Variants in KLHL1 observed in about 807,000 individuals in gnomAD.
The protein encoded by KLHL1 is kelch-like protein 1.
KLHL1 carries 47 observed loss-of-function variants against 77.7 expected under a neutral mutation model. That is an observed-to-expected ratio of 0.60 (90% CI 0.48 to 0.77). The LOEUF (loss-of-function observed/expected upper bound fraction) is 0.77. KLHL1 is among the 30% of genes least tolerant of loss of function. KLHL1 has a pLI of 0.00. For missense variants in KLHL1, 925 were observed against 910.8 expected (o/e 1.02, Z -0.20); for synonymous variants, 360 against 325.2 (o/e 1.11, Z -1.15).
intron 1 of KLHL1, among the ~76,000 whole-genome samples, chr13:69,999,748 A>G (rs547981181): frequency 2.6e-5 from 4 of 152,104 alleles, no homozygotes; most frequent in Non-Finnish European, 5.9e-5. Context: ...TCACCCTAGC[A>G]GGTAAGCATC....
At chr13:69,822,025 C>T (rs1289291221) in intron 6 of KLHL1, among the ~76,000 whole-genome samples, 1 of 151,844 alleles carries the variant, frequency 6.6e-6, no homozygotes, top group East Asian at 1.9e-4. Flanking sequence ...TGGTGAAACC[C>T]CATCTCTACC....
intron 7 of KLHL1, among the ~76,000 whole-genome samples, chr13:69,783,704 T>C (rs1876355219): frequency 7.8e-6 from 1 of 128,452 alleles, no homozygotes; most frequent in Admixed American, 7.1e-5. Context: ...GTCTGATTGA[T>C]TGGTGTACCT....
intron 7 of KLHL1, among the ~76,000 whole-genome samples, chr13:69,761,160 T>G (rs896711266): frequency 1.3e-5 from 2 of 152,218 alleles, no homozygotes; most frequent in African/African-American, 4.8e-5. Flanking sequence ...AATATAAGAA[T>G]CTGGCAGCAT....
chr13:70,099,599 A>G (rs2137452662), intron 1 of KLHL1, among the ~76,000 whole-genome samples: 1 of 152,172 alleles, frequency 6.6e-6, no homozygotes, highest in African/African-American at 2.4e-5. Context: ...TGAGATTTAC[A>G]TTTTTATGCA....
At chr13:69,749,395 T>G (rs1194026382) in intron 7 of KLHL1, among the ~76,000 whole-genome samples, 2 of 152,010 alleles carry the variant, frequency 1.3e-5, no homozygotes, top group African/African-American at 4.8e-5. Flanking sequence ...TCTGATAATT[T>G]TTAAAATGTC....
In KLHL1 at chr13:70,050,215, A is replaced by T. The variant is rs560865578; in HGVS notation, c.497+56988T>A. 3.9e-5 allele frequency among the ~76,000 whole-genome samples: 6 copies of T among 151,952 alleles called. No homozygotes were observed. In the East Asian group the frequency reaches 1.2e-3, roughly 29 times the overall value. ...TGATACTTTATATGTCATCAAAAGGAAACCTTTTGATCAAAACTGGCTGTG... is the reference window on the plus strand; with the variant it reads ...TGATACTTTATATGTCATCAAAAGGTAACCTTTTGATCAAAACTGGCTGTG... On this transcript the variant is annotated intron_variant, in intron 1 of 10. Transcript: ENST00000377844.
intron 1 of KLHL1, among the ~76,000 whole-genome samples, chr13:70,104,549 G>C (rs1274912781): frequency 1.3e-5 from 2 of 152,098 alleles, no homozygotes; most frequent in Non-Finnish European, 2.9e-5. Context: ...AATGAATAAA[G>C]AGAAGATCAA....
chr13:69,946,779 T>C (rs1258772786), intron 3 of KLHL1, among the ~76,000 whole-genome samples: 1 of 152,088 alleles, frequency 6.6e-6, no homozygotes, highest in Non-Finnish European at 1.5e-5. Context: ...TCCCAAATTG[T>C]TGTGATTTAC....
intron 6 of KLHL1, among the ~76,000 whole-genome samples, chr13:69,813,315 G>T (rs1037509563): frequency 1.3e-5 from 2 of 151,806 alleles, no homozygotes; most frequent in African/African-American, 4.8e-5. Flanking sequence ...CACACACCGG[G>T]GCCTGTTGTG....
intron 1 of KLHL1, among the ~76,000 whole-genome samples, chr13:70,018,494 A>G (rs910285837): frequency 6.6e-6 from 1 of 152,194 alleles, no homozygotes; most frequent in Non-Finnish European, 1.5e-5. Flanking sequence ...GAAGATTAGT[A>G]CCTGATTTAG....
intron 1 of KLHL1, among the ~76,000 whole-genome samples, chr13:70,011,065 C>A (rs1295871013): frequency 6.6e-6 from 1 of 152,006 alleles, no homozygotes; most frequent in African/African-American, 2.4e-5. Context: ...AGTATTTAAG[C>A]TATCAGTTTT....
intron 7 of KLHL1, among the ~76,000 whole-genome samples, chr13:69,751,634 C>T (rs1874485158): frequency 2.0e-5 from 3 of 152,028 alleles, no homozygotes; most frequent in Admixed American, 1.3e-4. Context: ...TACAATAAGG[C>T]TAAATGGTTA....
Position 69,961,444 on chromosome 13 carries a change from C to A in KLHL1, c.681G>T (p.Arg227Ser). The A allele has an allele frequency of 2.5e-6, 4 of 1,612,488 alleles. No individual in the cohort carries two copies. The highest frequency in any genetic ancestry group is 3.4e-6 in the Non-Finnish European group (4 of 1,179,110). Reference sequence around the variant, plus strand: ...AGTCGGAGACTGAACTCAGAACAAGCCTGAAAGAGTCACAGGTTCTAATTT... The same window carrying A: ...AGTCGGAGACTGAACTCAGAACAAGACTGAAAGAGTCACAGGTTCTAATTT... The part of the protein sequence containing the change: ...IVGNRKIPAH[R>S]LVLSSVSDYF... Residue 227 changes from arginine (R) to serine (S), a missense_variant and splice_region_variant, in exon 3 of 11, where the codon AGG becomes AGT. Physicochemically the swap from Arg to Ser is moderately radical, Grantham distance 110 (BLOSUM62 -1). Coordinates refer to ENST00000377844, the MANE Select transcript of KLHL1 (RefSeq NM_020866.3).
intron 6 of KLHL1, among the ~76,000 whole-genome samples, chr13:69,810,083 G>C (rs959930317): frequency 3.3e-5 from 5 of 152,062 alleles, no homozygotes; most frequent in Non-Finnish European, 7.4e-5. Context: ...CAGCCACAAA[G>C]TAATAGTGGC....
chr13:70,051,344 G>T (rs753679925), intron 1 of KLHL1, among the ~76,000 whole-genome samples: 20 of 152,016 alleles, frequency 1.3e-4, no homozygotes, highest in East Asian at 3.9e-4. Flanking sequence ...ATGGCAGATG[G>T]TTACATCTAT....
In KLHL1 at chr13:70,068,204, G is replaced by A. The variant is rs1282170911; in HGVS notation, c.497+38999C>T. Among the ~76,000 whole-genome samples the A allele has an allele frequency of 5.3e-5, 8 of 152,118 alleles. No homozygotes were observed. The East Asian group carries it at 5.8e-4, about 11-fold the overall frequency. On this transcript the variant is annotated intron_variant, in intron 1 of 10. Transcript: ENST00000377844. ...AAAATACAAAAAATTGGCCGGGCGT[G>A]GTGGCGGGCGCCTGTAGTCCCAGCT... is the stretch of plus-strand genomic sequence containing the variant.
In KLHL1 at chr13:70,007,870, AT is replaced by A. The variant is rs546285217; in HGVS notation, c.498-32069del. 1.7e-4 allele frequency among the ~76,000 whole-genome samples: 26 copies of A among 152,084 alleles called. 1 individual carries two copies. In the South Asian group the frequency reaches 4.1e-3, roughly 24 times the overall value. On this transcript the variant is annotated intron_variant, in intron 1 of 10. Transcript: ENST00000377844. ...AGAGTAATTTTACAGGCTAAGACATATTTTTTGCACTGCCTGAGTCCTACAG... is the reference window on the plus strand; with the variant it reads ...AGAGTAATTTTACAGGCTAAGACATATTTTTGCACTGCCTGAGTCCTACAG...
intron 7 of KLHL1, among the ~76,000 whole-genome samples, chr13:69,781,289 T>A (rs12876159): frequency 8.4e-6 from 1 of 118,386 alleles, no homozygotes; most frequent in Non-Finnish European, 1.9e-5. Context: ...TTCTTTCTTT[T>A]TTTTTTTTTT....
chr13:69,934,372 A>G (rs1883101788), intron 4 of KLHL1, among the ~76,000 whole-genome samples: 1 of 152,054 alleles, frequency 6.6e-6, no homozygotes, highest in Admixed American at 6.6e-5. Flanking sequence ...TCTTTGTAAA[A>G]TTTACCTATA....
Sources: allele counts gnomAD v4.1 joint callset (sites outside exome capture counted in the v4.1 genomes callset), GRCh38; gene constraint gnomAD v4.1.1; transcripts MANE v1.5; gene names NCBI Gene and HGNC (gene_info 2026-07-23, HGNC 2026-07-21).